C8orf34: variants seen among roughly 807,000 people sequenced by gnomAD.
The protein encoded by C8orf34 is chromosome 8 open reading frame 34, also known as uncharacterized protein C8orf34.
Under a neutral mutation model 68.3 loss-of-function variants are expected in C8orf34, and 65 were observed. The ratio of observed to expected loss-of-function variants is 0.95; its 90% CI spans 0.78 to 1.17. The LOEUF is 1.17. Among genes scored for constraint, C8orf34 ranks in the 50% most tolerant of loss-of-function variants. The pLI, the probability that C8orf34 is intolerant of heterozygous loss-of-function variation, is 0.00. For missense variants in C8orf34, 664 were observed against 655.4 expected (o/e 1.01, Z -0.14); for synonymous variants, 244 against 241.2 (o/e 1.01, Z -0.11).
intron 4 of C8orf34, among the ~76,000 whole-genome samples, chr8:68,477,550 T>C (rs1010775444): frequency 2.0e-5 from 3 of 152,172 alleles, no homozygotes; most frequent in Non-Finnish European, 4.4e-5. Flanking sequence ...GAATGGTAGA[T>C]CTACTGACAG....
At chr8:68,784,345 T>C (rs1039800221) in intron 11 of C8orf34, among the ~76,000 whole-genome samples, 1 of 152,222 alleles carries the variant, frequency 6.6e-6, no homozygotes, top group Non-Finnish European at 1.5e-5. Flanking sequence ...AATTTAATTT[T>C]CATCACATCC....
chr8:68,748,715 A>G (rs1433079028), intron 10 of C8orf34, among the ~76,000 whole-genome samples: 1 of 152,018 alleles, frequency 6.6e-6, no homozygotes, highest in Non-Finnish European at 1.5e-5. Flanking sequence ...TAGAATGGCA[A>G]TCATTAAAAA....
intron 10 of C8orf34, among the ~76,000 whole-genome samples, chr8:68,774,849 G>A (rs907645916): frequency 1.5e-4 from 22 of 150,220 alleles, no homozygotes; most frequent in African/African-American, 4.9e-4. Flanking sequence ...GCTCACGCCC[G>A]TAATTCCGGC....
At chr8:68,731,413 T>C (rs1406418966) in intron 10 of C8orf34, among the ~76,000 whole-genome samples, 1 of 151,756 alleles carries the variant, frequency 6.6e-6, no homozygotes, top group Non-Finnish European at 1.5e-5. Context: ...TGACCTAATA[T>C]GTATATTAAA....
Position 68,701,334 on chromosome 8 carries a change from G to A in C8orf34, c.1242-7660G>A, listed in dbSNP as rs141156617. Among the ~76,000 whole-genome samples the A allele has an allele frequency of 6.3e-4, 95 of 151,956 alleles. 1 individual carries two copies. Among genetic ancestry groups the A allele is most frequent in the African/African-American group, 1.9e-3 (77 of 41,470 alleles). ...AAGAGATCTCAATTATCTTCATTGC[G>A]ATTCTAGAATCAGATAATACTTTAT... is the stretch of plus-strand genomic sequence containing the variant. On this transcript the variant is annotated intron_variant, in intron 8 of 13. Coordinates refer to ENST00000518698, the MANE Select transcript of C8orf34 (RefSeq NM_052958.4).
chr8:68,686,436 G>A (rs1158868210), intron 8 of C8orf34, among the ~76,000 whole-genome samples: 1 of 152,074 alleles, frequency 6.6e-6, no homozygotes, highest in Non-Finnish European at 1.5e-5. Flanking sequence ...AATACATCAT[G>A]ATCAAGTGGG....
intron 1 of C8orf34, among the ~76,000 whole-genome samples, chr8:68,421,374 C>A (rs889500536): frequency 6.6e-6 from 1 of 152,154 alleles, no homozygotes; most frequent in African/African-American, 2.4e-5. Flanking sequence ...CAACCTGGAA[C>A]TACCAACAGG....
intron 1 of C8orf34, among the ~76,000 whole-genome samples, chr8:68,390,193 G>T (rs894130035): frequency 6.6e-6 from 1 of 152,126 alleles, no homozygotes; most frequent in African/African-American, 2.4e-5. Flanking sequence ...GGGGCTGAAG[G>T]ACGTGAGGGC....
intron 10 of C8orf34, among the ~76,000 whole-genome samples, chr8:68,729,355 A>G (rs1226500172): frequency 6.6e-6 from 1 of 152,236 alleles, no homozygotes; most frequent in African/African-American, 2.4e-5. Context: ...ATTCAATTAT[A>G]CACAATGAAC....
chr8:68,382,071 T>C (rs2129620254), intron 1 of C8orf34, among the ~76,000 whole-genome samples: 1 of 152,330 alleles, frequency 6.6e-6, no homozygotes, highest in Non-Finnish European at 1.5e-5. Flanking sequence ...ATAAGTTTAG[T>C]GGTTTTCCAT....
chr8:68,685,141 G>C (rs1006144389), intron 8 of C8orf34, among the ~76,000 whole-genome samples: 7 of 152,022 alleles, frequency 4.6e-5, no homozygotes, highest in Admixed American at 4.6e-4. Flanking sequence ...TAACATATAT[G>C]TACTTAATGC....
intron 12 of C8orf34, among the ~76,000 whole-genome samples, chr8:68,797,521 T>C (rs149681450): frequency 4.0e-5 from 6 of 150,266 alleles, no homozygotes; most frequent in East Asian, 4.0e-4. Context: ...CCACCCAGAA[T>C]GTGGCCAGGT....
chr8:68,778,552 C>T (rs934141509), intron 11 of C8orf34, among the ~76,000 whole-genome samples: 1 of 151,474 alleles, frequency 6.6e-6, no homozygotes, highest in Non-Finnish European at 1.5e-5. Flanking sequence ...TAAAATGGAG[C>T]TTTTATTCAA....
intron 12 of C8orf34, among the ~76,000 whole-genome samples, chr8:68,811,419 C>CTG (rs1824647571): frequency 6.6e-6 from 1 of 152,222 alleles, no homozygotes; most frequent in African/African-American, 2.4e-5. Context: ...ACAGCTGCAC[C>CTG]TGTGCCCTTT....
At chr8:68,428,230 A>G (rs1038139332) in intron 1 of C8orf34, among the ~76,000 whole-genome samples, 3 of 152,018 alleles carry the variant, frequency 2.0e-5, no homozygotes, top group South Asian at 2.1e-4. Context: ...AGGTTTCCTT[A>G]TGCTGCTGAA....
intron 1 of C8orf34, among the ~76,000 whole-genome samples, chr8:68,417,107 T>A (rs141113093): frequency 6.6e-6 from 1 of 152,138 alleles, no homozygotes; most frequent in Non-Finnish European, 1.5e-5. Context: ...CAATATACCT[T>A]GCAATTCATA....
At chr8:68,439,468 A>G in intron 1 of C8orf34, 31 bp from the exon 2 acceptor site, 1 of 1,602,226 alleles carries the variant, frequency 6.2e-7, no homozygotes, top group Non-Finnish European at 8.5e-7. Context: ...GTTATTATTA[A>G]TTATAATTGT....
At chr8:68,443,712 A>G (rs1811007412) in intron 2 of C8orf34, among the ~76,000 whole-genome samples, 1 of 152,056 alleles carries the variant, frequency 6.6e-6, no homozygotes, top group Non-Finnish European at 1.5e-5. Context: ...AGCCTGGTGC[A>G]TCTTTTAATT....
rs1388435767 is a variant in C8orf34 at position 68,612,931 on chromosome 8, C to T, written c.1106-27445C>T. On this transcript the variant is annotated intron_variant, in intron 7 of 13. Coordinates refer to ENST00000518698, the MANE Select transcript of C8orf34 (RefSeq NM_052958.4). ...GTTAAAATTCCCATGCTTAGAAAAACGTAATTTCTAGTTATCTTATAAGGT... is the reference window on the plus strand; with the variant it reads ...GTTAAAATTCCCATGCTTAGAAAAATGTAATTTCTAGTTATCTTATAAGGT... Among the ~76,000 whole-genome samples the T allele has an allele frequency of 2.6e-5, 4 of 152,028 alleles. 1 individual carries two copies. The highest frequency in any genetic ancestry group is 4.4e-5 in the Non-Finnish European group (3 of 67,998).
Sources: gnomAD v4.1 joint callset for allele counts (sites outside exome capture counted in the v4.1 genomes callset) on GRCh38, gnomAD v4.1.1 for gene constraint, MANE v1.5 for transcripts, NCBI Gene and HGNC (gene_info 2026-07-23, HGNC 2026-07-21) for gene names.